The following PLA2G5 variants were observed in gnomAD, a reference collection of about 807,000 sequenced individuals.
PLA2G5 encodes Ca2+-dependent phospholipase A2.
In PLA2G5, 12 loss-of-function variants were observed where a neutral mutation model predicts 15.9. The observed-to-expected ratio is 0.76, with a 90% CI of 0.48 to 1.23. The LOEUF (loss-of-function observed/expected upper bound fraction) is 1.23. Among genes scored for constraint, PLA2G5 ranks in the 50% most tolerant of loss-of-function variants. The pLI is 0.00. For missense variants in PLA2G5, 169 were observed against 177.1 expected, an observed-to-expected ratio of 0.95 and a Z score of 0.26; for synonymous variants, 71 against 71.4, an observed-to-expected ratio of 0.99 and a Z score of 0.03.
chr1:20,043,030 A>G (rs762418149), intron 1 of PLA2G5, among the ~76,000 whole-genome samples: 1 of 152,144 alleles, frequency 6.6e-6, no homozygotes, highest in African/African-American at 2.4e-5. Context: ...GACTGAAGTA[A>G]TGGGGGCTGT....
chr1:20,080,486 G>T (rs1163681850), intron 1 of PLA2G5, among the ~76,000 whole-genome samples: 1 of 152,176 alleles, frequency 6.6e-6, no homozygotes, highest in Non-Finnish European at 1.5e-5. Flanking sequence ...GGAGGTTGAG[G>T]CAGGACAATT....
intron 1 of PLA2G5, among the ~76,000 whole-genome samples, chr1:20,037,902 T>C (rs2013359643): frequency 6.6e-6 from 1 of 152,030 alleles, no homozygotes; most frequent in African/African-American, 2.4e-5. Context: ...GAGCTCAGAC[T>C]CTCCTTGGGT....
intron 1 of PLA2G5, among the ~76,000 whole-genome samples, chr1:20,075,958 G>A (rs1039588927): frequency 4.5e-5 from 6 of 134,004 alleles, no homozygotes; most frequent in Middle Eastern, 4.4e-3. Context: ...TGCAACCCCC[G>A]CCTTCCGGGT....
intron 1 of PLA2G5, among the ~76,000 whole-genome samples, 193 bp downstream of exon 1, chr1:20,070,658 C>T (rs949188446): frequency 4.3e-4 from 65 of 152,104 alleles, no homozygotes; most frequent in African/African-American, 1.5e-3. Flanking sequence ...GCCTGGAGAG[C>T]GGGCTTTTAA....
At chr1:20,038,106 C>T (rs1418408961) in intron 1 of PLA2G5, among the ~76,000 whole-genome samples, 2 of 152,166 alleles carry the variant, frequency 1.3e-5, no homozygotes, top group African/African-American at 2.4e-5. Context: ...TGTGCTCCAC[C>T]ACCAGCACTG....
At chr1:20,045,233 G>A (rs1006877738) in intron 1 of PLA2G5, among the ~76,000 whole-genome samples, 2 of 152,134 alleles carry the variant, frequency 1.3e-5, no homozygotes, top group Non-Finnish European at 2.9e-5. Flanking sequence ...GTGGAAAGTT[G>A]CCCATAGTGA....
chr1:20,071,558 C>T (rs551833775), intron 1 of PLA2G5, among the ~76,000 whole-genome samples: 70 of 152,248 alleles, frequency 4.6e-4, no homozygotes, highest in African/African-American at 1.1e-3. Context: ...AGAGAGCACA[C>T]GGTACTGGGA....
chr1:20,029,881 A>G (rs1021180585), intron 1 of PLA2G5, among the ~76,000 whole-genome samples: 13 of 152,318 alleles, frequency 8.5e-5, no homozygotes, highest in African/African-American at 3.1e-4. Flanking sequence ...GCAGGCAAAG[A>G]TAAGAGTTTG....
At chr1:20,068,459 T>G (rs1211877553), upstream of PLA2G5, among the ~76,000 whole-genome samples, 1 of 151,460 alleles carries the variant, frequency 6.6e-6, no homozygotes, top group East Asian at 1.9e-4. Flanking sequence ...TAGTTTTTTT[T>G]TTTTTTTTTT....
At chr1:20,053,513 G>A (rs147032200) in intron 1 of PLA2G5, among the ~76,000 whole-genome samples, 30 of 133,082 alleles carry the variant, frequency 2.3e-4, no homozygotes, top group African/African-American at 7.9e-4. Flanking sequence ...CTTTGTGATT[G>A]TATTCTATTT....
upstream of PLA2G5, chr1:20,065,927 T>G (rs1430004570): frequency 6.6e-6 from 1 of 152,162 alleles, no homozygotes; most frequent in African/African-American, 2.4e-5. Context: ...AGGGATTTCT[T>G]GGGCCGAGGA....
chr1:20,088,549 T>C (rs913985904), intron 3 of PLA2G5, among the ~76,000 whole-genome samples: 7 of 152,046 alleles, frequency 4.6e-5, no homozygotes, highest in Admixed American at 3.3e-4. Context: ...TATTGGTTCA[T>C]TAATTCTAAC....
chr1:20,059,593 T>C (rs1388859476), intron 1 of PLA2G5: 1 of 152,220 alleles, frequency 6.6e-6, no homozygotes, highest in Non-Finnish European at 1.5e-5. Context: ...AGGTTATCTA[T>C]GAACTGGCTT....
At chr1:20,058,064 G>A (rs1251549519) in intron 1 of PLA2G5, among the ~76,000 whole-genome samples, 1 of 152,150 alleles carries the variant, frequency 6.6e-6, no homozygotes, top group Admixed American at 6.5e-5. Flanking sequence ...ATCTTGGTGA[G>A]TGTTCCACAT....
At chr1:20,050,203 T>C (rs916192658) in intron 1 of PLA2G5, among the ~76,000 whole-genome samples, 3 of 152,160 alleles carry the variant, frequency 2.0e-5, no homozygotes, top group Non-Finnish European at 2.9e-5. Context: ...TGACATTGAG[T>C]TACAGGGCTT....
intron 1 of PLA2G5, among the ~76,000 whole-genome samples, chr1:20,053,565 C>T (rs1171749973): frequency 1.4e-5 from 1 of 70,316 alleles, no homozygotes; most frequent in Non-Finnish European, 2.8e-5. Flanking sequence ...TTATGTATTA[C>T]TTTGCGGGGG....
intron 1 of PLA2G5, among the ~76,000 whole-genome samples, chr1:20,042,544 G>A (rs1215243269): frequency 1.3e-5 from 2 of 152,144 alleles, no homozygotes; most frequent in African/African-American, 2.4e-5. Context: ...GATGAGTTAG[G>A]GAGATCTAGG....
At chr1:20,078,967 C>T (rs1569805121) in intron 1 of PLA2G5, among the ~76,000 whole-genome samples, 1 of 151,968 alleles carries the variant, frequency 6.6e-6, no homozygotes, top group Non-Finnish European at 1.5e-5. Context: ...AGAAATTAGC[C>T]AGGCATGGTG....
chr1:20,066,053 A>G (rs2015009373), upstream of PLA2G5: 1 of 152,194 alleles, frequency 6.6e-6, no homozygotes, highest in African/African-American at 2.4e-5. Context: ...TTCCACTGGC[A>G]TTGAATGAGA....
Sources: gnomAD v4.1 joint callset for allele counts (sites outside exome capture counted in the v4.1 genomes callset) on GRCh38, gnomAD v4.1.1 for gene constraint, MANE v1.5 for transcripts, NCBI Gene and HGNC (gene_info 2026-07-23, HGNC 2026-07-21) for gene names.